SPATA13: variants seen among roughly 807,000 people sequenced by gnomAD.
The protein encoded by SPATA13 is spermatogenesis-associated protein 13.
Under a neutral mutation model 104.0 loss-of-function variants are expected in SPATA13, and 50 were observed. That is an observed-to-expected ratio of 0.48 (90% confidence interval 0.38 to 0.61). The LOEUF (loss-of-function observed/expected upper bound fraction) is 0.61. SPATA13 is among the 20% of genes least tolerant of loss of function. The pLI, the probability that SPATA13 is intolerant of heterozygous loss-of-function variation, is 0.00. For synonymous variants in SPATA13, 606 were observed against 667.5 expected, an observed-to-expected ratio of 0.91 and a Z score of 1.42; for missense variants, 1,524 against 1,690.6, an observed-to-expected ratio of 0.90 and a Z score of 1.73.
chr13:24,109,903 AG>A (rs1244502427), intron 3 of SPATA13, among the ~76,000 whole-genome samples: 3 of 151,572 alleles, frequency 2.0e-5, no homozygotes, highest in African/African-American at 7.3e-5. Context: ...GTTGAATCAA[AG>A]GTGGCACCTT....
At chr13:24,199,683 C>T (rs935390223) in intron 1 of SPATA13, among the ~76,000 whole-genome samples, 2 of 152,166 alleles carry the variant, frequency 1.3e-5, no homozygotes, top group African/African-American at 2.4e-5. Context: ...GATCTAAGCT[C>T]TACTTCTGTT....
intron 5 of SPATA13, among the ~76,000 whole-genome samples, chr13:24,285,680 C>CTT (rs3067301): frequency 1.6e-3 from 212 of 129,836 alleles, no homozygotes; most frequent in African/African-American, 3.5e-3. Flanking sequence ...CCACATCTGG[C>CTT]TTTTTTTTTT....
At chr13:24,207,759 G>A (rs545265645) in intron 1 of SPATA13, among the ~76,000 whole-genome samples, 56 of 152,310 alleles carry the variant, frequency 3.7e-4, no homozygotes, top group African/African-American at 1.2e-3. Flanking sequence ...CTACCTCTGC[G>A]CATCACCCAA....
intron 4 of SPATA13, among the ~76,000 whole-genome samples, chr13:24,282,714 C>T (rs752563347): frequency 2.0e-5 from 3 of 152,178 alleles, no homozygotes; most frequent in Non-Finnish European, 4.4e-5. Flanking sequence ...CCTCATCGTG[C>T]GGGACACCAT....
intron 1 of SPATA13, among the ~76,000 whole-genome samples, chr13:24,215,058 C>T (rs1871205435): frequency 6.6e-6 from 1 of 152,106 alleles, no homozygotes; most frequent in African/African-American, 2.4e-5. Flanking sequence ...ACAGCGTCTC[C>T]CTGAGGACGC....
chr13:24,087,680 C>T (rs1879777812), intron 3 of SPATA13, among the ~76,000 whole-genome samples: 1 of 152,164 alleles, frequency 6.6e-6, no homozygotes, highest in African/African-American at 2.4e-5. Flanking sequence ...TTCATCCCCT[C>T]TCTACACACA....
intron 1 of SPATA13, among the ~76,000 whole-genome samples, chr13:24,183,687 A>G (rs568515833): frequency 5.3e-5 from 8 of 151,654 alleles, no homozygotes; most frequent in African/African-American, 1.9e-4. Flanking sequence ...TTCTTCTTCC[A>G]GAGTGGCCCA....
intron 4 of SPATA13, among the ~76,000 whole-genome samples, chr13:24,272,150 G>A (rs989177256): frequency 4.6e-5 from 7 of 152,164 alleles, no homozygotes; most frequent in Non-Finnish European, 1.0e-4. Context: ...CATTCCCACC[G>A]GGAGTGCAGC....
chr13:24,196,560 C>T (rs1402349740), intron 1 of SPATA13, among the ~76,000 whole-genome samples: 2 of 152,018 alleles, frequency 1.3e-5, no homozygotes, highest in Middle Eastern at 3.2e-3. Flanking sequence ...TATAGTGAGA[C>T]CCTTGTCTCT....
intron 3 of SPATA13, among the ~76,000 whole-genome samples, chr13:24,044,233 CTTTT>C (rs67709070): frequency 2.4e-4 from 29 of 122,986 alleles, no homozygotes; most frequent in African/African-American, 2.8e-4. Flanking sequence ...TTCTTTCTTT[CTTTT>C]TTTTTTTTTT....
intron 3 of SPATA13, among the ~76,000 whole-genome samples, chr13:24,115,773 G>A (rs1180957608): frequency 1.3e-5 from 2 of 152,198 alleles, no homozygotes; most frequent in Admixed American, 6.5e-5. Context: ...AGCGGAGGCC[G>A]TATTCATCTG....
rs1447474589 is a variant in SPATA13, at chr13:24,284,135, T to C, written c.2165T>C (p.Val722Ala). The C allele has an allele frequency of 1.7e-5, 28 of 1,607,514 alleles. No homozygotes were observed. The highest frequency in any genetic ancestry group is 2.1e-5 in the Non-Finnish European group (25 of 1,175,434). ...GRRRQMRASN[V>A]SSDGGTEPSA... Reference sequence around the variant, plus strand: ...CATGCCTTTGTTTTGTATGTTTTAGTTTCTTCAGATGGAGGTACTGAGCCC... The same window carrying C: ...CATGCCTTTGTTTTGTATGTTTTAGCTTCTTCAGATGGAGGTACTGAGCCC... Residue 722 changes from valine to alanine, a missense_variant and splice_region_variant, in exon 5 of 13, where the codon GTT becomes GCT. Coordinates refer to ENST00000382108, the MANE Select transcript of SPATA13 (RefSeq NM_001166271.3).
At chr13:24,190,905 G>A (rs1869696522) in intron 1 of SPATA13, among the ~76,000 whole-genome samples, 3 of 152,140 alleles carry the variant, frequency 2.0e-5, no homozygotes. Context: ...ATCGCATCCT[G>A]TAGAGAAATC....
At chr13:24,037,812 C>A (rs570753040) in intron 3 of SPATA13, among the ~76,000 whole-genome samples, 1 of 152,056 alleles carries the variant, frequency 6.6e-6, no homozygotes, top group African/African-American at 2.4e-5. Flanking sequence ...CCATGAAACC[C>A]CCAGAACTTG....
chr13:24,286,176 G>C lies in SPATA13; in HGVS notation c.2302-38G>C. 1 of 1,558,112 alleles carries C rather than the reference G, an allele frequency of 6.4e-7. No individual in the cohort carries two copies. Among genetic ancestry groups the C allele is most frequent in the Non-Finnish European group, 8.7e-7 (1 of 1,148,512 alleles). On this transcript the variant is annotated intron_variant, in intron 5 of 12. Transcript: ENST00000382108. This position sits in a 1 kb window ranked among gnomAD's most constrained non-coding sequence, Gnocchi z 4.9. ...GGCTCCCTCACCATCCCGCCCACTC[G>C]TGCTCTATGCTGAGCGCACCCCACT... is the stretch of plus-strand genomic sequence containing the variant.
At chr13:24,004,071 CT>C (rs1876108178) in intron 2 of SPATA13, among the ~76,000 whole-genome samples, 1 of 152,130 alleles carries the variant, frequency 6.6e-6, no homozygotes, top group Non-Finnish European at 1.5e-5. Flanking sequence ...CACTCCTGGG[CT>C]TTGGTCTGTC....
At chr13:24,233,109 A>T (rs1233842485) in intron 2 of SPATA13, among the ~76,000 whole-genome samples, 1 of 152,120 alleles carries the variant, frequency 6.6e-6, no homozygotes, top group Non-Finnish European at 1.5e-5. Flanking sequence ...TCAGCCGCCT[A>T]TGGTTTTTGT....
chr13:24,061,341 T>C (rs1878765375), intron 3 of SPATA13, among the ~76,000 whole-genome samples: 1 of 152,194 alleles, frequency 6.6e-6, no homozygotes. Flanking sequence ...ACAACTGCCA[T>C]TTGACCCAAT....
intron 5 of SPATA13, among the ~76,000 whole-genome samples, chr13:24,285,525 C>T (rs1222692796): frequency 1.3e-5 from 2 of 150,566 alleles, no homozygotes; most frequent in Non-Finnish European, 3.0e-5. Flanking sequence ...CTCCCTCCCT[C>T]CCTCCCTTTT....
Sources: gnomAD v4.1 joint callset for allele counts (sites outside exome capture counted in the v4.1 genomes callset) on GRCh38, gnomAD v4.1.1 for gene constraint, Gnocchi (gnomAD v3.1) non-coding constraint, MANE v1.5 for transcripts, NCBI Gene and HGNC (gene_info 2026-07-23, HGNC 2026-07-21) for gene names.